The following CLSTN2 variants were observed in gnomAD, a reference collection of about 807,000 sequenced individuals.
CLSTN2 encodes calsyntenin-2.
A neutral mutation model predicts 101.2 loss-of-function variants in CLSTN2; 48 were observed. The observed-to-expected ratio is 0.47, with a 90% CI of 0.38 to 0.60. The LOEUF (loss-of-function observed/expected upper bound fraction) is 0.60, where lower values mean the gene tolerates loss of function less well. Among genes scored for constraint, CLSTN2 ranks in the 20% least tolerant of loss-of-function variants. The pLI, the probability that CLSTN2 is intolerant of heterozygous loss-of-function variation, is 0.00. For synonymous variants in CLSTN2, 481 were observed against 463.6 expected, an observed-to-expected ratio of 1.04 and a Z score of -0.48; for missense variants, 1,160 against 1,238.2, an observed-to-expected ratio of 0.94 and a Z score of 0.95.
intron 5 of CLSTN2, among the ~76,000 whole-genome samples, chr3:140,438,044 A>G (rs2088705678): frequency 6.6e-6 from 1 of 152,124 alleles, no homozygotes; most frequent in South Asian, 2.1e-4. Context: ...TTGTAGTTAG[A>G]TAGGGCCATG....
At chr3:140,019,141 A>G (rs1391743976) in intron 1 of CLSTN2, among the ~76,000 whole-genome samples, 1 of 152,050 alleles carries the variant, frequency 6.6e-6, no homozygotes, top group African/African-American at 2.4e-5. Context: ...CCCCAATCCC[A>G]TTATTATAAA....
intron 10 of CLSTN2, among the ~76,000 whole-genome samples, chr3:140,556,252 C>A (rs1175686574): frequency 6.6e-6 from 1 of 152,158 alleles, no homozygotes; most frequent in Non-Finnish European, 1.5e-5. Flanking sequence ...TTTCAATATT[C>A]CTTCCTGTGG....
At chr3:140,250,752 CT>C (rs1296152733) in intron 2 of CLSTN2, among the ~76,000 whole-genome samples, 2 of 152,170 alleles carry the variant, frequency 1.3e-5, no homozygotes, top group African/African-American at 2.4e-5. Context: ...GAGGAGCATT[CT>C]CTTTAATCAC....
intron 1 of CLSTN2, among the ~76,000 whole-genome samples, chr3:139,970,561 T>TG (rs1012022972): frequency 1.3e-5 from 2 of 152,226 alleles, no homozygotes; most frequent in Admixed American, 1.3e-4. Context: ...TGCTCCTCTG[T>TG]GCCAGGCATC....
chr3:140,297,697 C>A (rs1037582835), intron 2 of CLSTN2, among the ~76,000 whole-genome samples: 29 of 152,204 alleles, frequency 1.9e-4, no homozygotes, highest in African/African-American at 7.0e-4. Flanking sequence ...ATGTGGTCTG[C>A]TGACCCTCAG....
intron 2 of CLSTN2, among the ~76,000 whole-genome samples, chr3:140,382,689 G>T (rs1186336895): frequency 6.6e-6 from 1 of 152,174 alleles, no homozygotes; most frequent in Non-Finnish European, 1.5e-5. Context: ...TTTTCCCACA[G>T]CTCTGGAGGC....
intron 1 of CLSTN2, among the ~76,000 whole-genome samples, chr3:140,093,447 G>T (rs965593263): frequency 3.9e-5 from 6 of 151,958 alleles, no homozygotes; most frequent in Non-Finnish European, 7.4e-5. Flanking sequence ...CTTGTACCCT[G>T]GTTCCTTCCC....
At chr3:140,088,828 AGAATTTCATAGTATCT>A (rs2008721540) in intron 1 of CLSTN2, among the ~76,000 whole-genome samples, 1 of 152,264 alleles carries the variant, frequency 6.6e-6, no homozygotes, top group South Asian at 2.1e-4. Context: ...ACCTTGAAAC[AGAATTTCATAGTATCT>A]GTCACATTCT....
At chr3:140,333,222 C>T (rs1331507691) in intron 2 of CLSTN2, among the ~76,000 whole-genome samples, 1 of 152,232 alleles carries the variant, frequency 6.6e-6, no homozygotes, top group East Asian at 1.9e-4. Context: ...CCTCCTTCAT[C>T]TCTCTGCAGA....
In CLSTN2 at chr3:140,177,262, G is replaced by A. The variant is rs189285163; in HGVS notation, c.232+1189G>A. Among the ~76,000 whole-genome samples the A allele has an allele frequency of 4.8e-4, 73 of 152,264 alleles. No individual in the cohort carries two copies. In the Middle Eastern group the frequency reaches 0.027, roughly 57 times the overall value. On this transcript the variant is annotated intron_variant, in intron 2 of 16. Transcript: ENST00000458420. ...TTCCCAATCACCCTTAGAAGTCCCA[G>A]TTTTACCAAATGCCTGTTGGAAGTA...
chr3:140,283,602 C>T (rs1169079902), intron 2 of CLSTN2, among the ~76,000 whole-genome samples: 1 of 152,184 alleles, frequency 6.6e-6, no homozygotes, highest in Non-Finnish European at 1.5e-5. Context: ...CTCCTCTTGC[C>T]TCTAGGACAT....
chr3:140,534,177 C>T (rs1576615984), intron 9 of CLSTN2, among the ~76,000 whole-genome samples: 1 of 152,240 alleles, frequency 6.6e-6, no homozygotes, highest in South Asian at 2.1e-4. Flanking sequence ...CCTGGTGTGG[C>T]TTAGTGCCCT....
chr3:140,345,394 G>A (rs1011644923), intron 2 of CLSTN2, among the ~76,000 whole-genome samples: 25 of 151,418 alleles, frequency 1.7e-4, no homozygotes, highest in African/African-American at 5.1e-4. Context: ...GATTACAGGC[G>A]CCTGCCACCA....
intron 1 of CLSTN2, among the ~76,000 whole-genome samples, chr3:140,049,598 G>A (rs1415893175): frequency 6.6e-6 from 1 of 152,154 alleles, no homozygotes; most frequent in Non-Finnish European, 1.5e-5. Flanking sequence ...GACACCTTCT[G>A]CATAGAGAGT....
At chr3:140,197,684 G>T (rs2010663722) in intron 2 of CLSTN2, among the ~76,000 whole-genome samples, 1 of 152,162 alleles carries the variant, frequency 6.6e-6, no homozygotes, top group South Asian at 2.1e-4. Flanking sequence ...AGGTTGCTGT[G>T]ACATCTAGTG....
chr3:139,997,508 G>A (rs186669386), intron 1 of CLSTN2, among the ~76,000 whole-genome samples: 2 of 152,224 alleles, frequency 1.3e-5, no homozygotes, highest in Non-Finnish European at 2.9e-5. Flanking sequence ...AAAGTTCCAT[G>A]TATATGAAGA....
intron 2 of CLSTN2, among the ~76,000 whole-genome samples, chr3:140,191,262 CT>C (rs531430943): frequency 2.8e-4 from 43 of 151,954 alleles, no homozygotes; most frequent in African/African-American, 9.6e-4. Context: ...AGACTAAATC[CT>C]ACTCAATTGT....
intron 2 of CLSTN2, among the ~76,000 whole-genome samples, chr3:140,370,762 G>A (rs1038204389): frequency 6.6e-6 from 1 of 152,148 alleles, no homozygotes. Context: ...TTGCCTTCTG[G>A]GAGCTGAATA....
intron 1 of CLSTN2, among the ~76,000 whole-genome samples, chr3:140,025,363 C>G (rs772724274): frequency 3.3e-5 from 5 of 152,206 alleles, no homozygotes; most frequent in Admixed American, 6.5e-5. Flanking sequence ...TTTGCAAGAG[C>G]AGAGTTCTGG....
Sources: allele counts gnomAD v4.1 joint callset (sites outside exome capture counted in the v4.1 genomes callset), GRCh38; gene constraint gnomAD v4.1.1; transcripts MANE v1.5; gene names NCBI Gene and HGNC (gene_info 2026-07-23, HGNC 2026-07-21).